The following CHRM5 variants were observed in gnomAD, a reference collection of about 807,000 sequenced individuals.
CHRM5 encodes the protein cholinergic receptor muscarinic 5.
Under a neutral mutation model 39.0 loss-of-function variants are expected in CHRM5, and 18 were observed. The observed-to-expected ratio is 0.46, with a 90% confidence interval of 0.32 to 0.68. The LOEUF is 0.68. CHRM5 is among the 30% of genes least tolerant of loss of function. The probability of loss-of-function intolerance (pLI) is 0.04; values close to 1 mark genes in which losing one functional copy is unlikely to be tolerated. For missense variants in CHRM5, 515 were observed against 651.1 expected, an observed-to-expected ratio of 0.79 and a Z score of 2.28; for synonymous variants, 241 against 246.3, an observed-to-expected ratio of 0.98 and a Z score of 0.20.
At chr15:33,997,103 CTAGAAAATA>C (rs1896967379) in intron 1 of CHRM5, among the ~76,000 whole-genome samples, 1 of 152,122 alleles carries the variant, frequency 6.6e-6, no homozygotes, top group African/African-American at 2.4e-5. Flanking sequence ...ATTAGAACTT[CTAGAAAATA>C]TAGGAGAACA....
intron 1 of CHRM5, among the ~76,000 whole-genome samples, chr15:34,002,190 G>T (rs1075756): frequency 3.3e-5 from 5 of 152,174 alleles, no homozygotes; most frequent in Non-Finnish European, 7.4e-5. Flanking sequence ...TTGTGCACAC[G>T]TGTGTATATT....
At chr15:34,047,093 T>G (rs1899726193) in intron 2 of CHRM5, among the ~76,000 whole-genome samples, 1 of 151,792 alleles carries the variant, frequency 6.6e-6, no homozygotes. Flanking sequence ...TTTTCTTTTT[T>G]TGGAGACGGA....
rs140263744 is a variant in CHRM5 at position 34,060,105 on chromosome 15, G to C, written c.-75-2538G>C. 3.0e-3 allele frequency among the ~76,000 whole-genome samples: 451 copies of C among 152,330 alleles called. 1 individual carries two copies. The highest frequency in any genetic ancestry group is 8.1e-3 in the East Asian group (42 of 5,182). ...GATGGCATTTGCCTAGAGATTTGTAGAGTGTAGAGTAACTGGTCTTTTCAG... is the reference window on the plus strand; with the variant it reads ...GATGGCATTTGCCTAGAGATTTGTACAGTGTAGAGTAACTGGTCTTTTCAG... On this transcript the variant is annotated intron_variant, in intron 2 of 2. Transcript: ENST00000383263.
At chr15:33,980,145 T>C (rs1162153675) in intron 1 of CHRM5, among the ~76,000 whole-genome samples, 1 of 152,144 alleles carries the variant, frequency 6.6e-6, no homozygotes. Flanking sequence ...ACAGAAGAAA[T>C]AGGTACAAGG....
intron 1 of CHRM5, among the ~76,000 whole-genome samples, chr15:34,021,862 A>T (rs115133349): frequency 0.02 from 3,051 of 152,168 alleles, 99 homozygotes; most frequent in African/African-American, 0.07. Context: ...TCTCAAAAAT[A>T]AAAATAAAAT....
chr15:34,049,307 G>GA (rs1208872985), intron 2 of CHRM5, among the ~76,000 whole-genome samples: 8 of 152,136 alleles, frequency 5.3e-5, no homozygotes, highest in Admixed American at 6.5e-5. Context: ...TATGAATCAT[G>GA]AGAAAACAAT....
chr15:33,981,745 T>C (rs575654573), intron 1 of CHRM5, among the ~76,000 whole-genome samples: 37 of 152,326 alleles, frequency 2.4e-4, no homozygotes, highest in African/African-American at 8.2e-4. Context: ...ATCTATAAAA[T>C]TGTCTAATAC....
intron 1 of CHRM5, among the ~76,000 whole-genome samples, chr15:33,990,390 A>AG (rs1896671217): frequency 6.6e-6 from 1 of 152,148 alleles, no homozygotes; most frequent in African/African-American, 2.4e-5. Flanking sequence ...TGAAAAAAAA[A>AG]AGAAAAGAAA....
At position 33,996,994 on chromosome 15, in the gene CHRM5, A is replaced by G. The variant is rs574285338; in HGVS notation, c.-408+27844A>G. Among the ~76,000 whole-genome samples, 15 of 152,376 alleles carry G rather than the reference A, an allele frequency of 9.8e-5. No individual in the cohort carries two copies. The East Asian group carries it at 2.3e-3, about 24-fold the overall frequency. ...AGATGAATGGCTAACTAGAATAAACAGCGTAGAGAAGACCTTAAATTACCC... is the reference window on the plus strand; with the variant it reads ...AGATGAATGGCTAACTAGAATAAACGGCGTAGAGAAGACCTTAAATTACCC... On this transcript the variant is annotated intron_variant, in intron 1 of 2. Coordinates refer to ENST00000383263, the MANE Select transcript of CHRM5 (RefSeq NM_012125.4).
chr15:33,987,224 A>G (rs1274655998), intron 1 of CHRM5, among the ~76,000 whole-genome samples: 3 of 152,242 alleles, frequency 2.0e-5, no homozygotes, highest in Admixed American at 2.0e-4. Context: ...AAGAATGTAC[A>G]ATGCAGTATC....
At chr15:33,995,212 T>C (rs1025610554) in intron 1 of CHRM5, among the ~76,000 whole-genome samples, 3 of 152,086 alleles carry the variant, frequency 2.0e-5, no homozygotes, top group African/African-American at 7.2e-5. Context: ...TGCAGTGAGC[T>C]ATGATCATGC....
intron 1 of CHRM5, among the ~76,000 whole-genome samples, chr15:33,980,691 A>G (rs1472816795): frequency 1.3e-5 from 2 of 152,128 alleles, no homozygotes; most frequent in Admixed American, 6.6e-5. Flanking sequence ...CTGCCCCACA[A>G]CTTGGCCCAT....
intron 1 of CHRM5, among the ~76,000 whole-genome samples, chr15:34,029,203 A>G (rs1000731400): frequency 1.3e-5 from 2 of 152,114 alleles, no homozygotes; most frequent in African/African-American, 4.8e-5. Flanking sequence ...CACCACCGCC[A>G]CTGCCAACTC....
chr15:34,042,682 C>T (rs1264604230), intron 1 of CHRM5, among the ~76,000 whole-genome samples: 1 of 151,934 alleles, frequency 6.6e-6, no homozygotes, highest in Non-Finnish European at 1.5e-5. Flanking sequence ...GGATTACAGG[C>T]AACAGCCACC....
intron 1 of CHRM5, among the ~76,000 whole-genome samples, chr15:33,982,666 A>G (rs1896205854): frequency 6.6e-6 from 1 of 152,230 alleles, no homozygotes; most frequent in Non-Finnish European, 1.5e-5. Flanking sequence ...TAGTAATGGA[A>G]ACAAGAATTT....
At chr15:34,050,444 A>C (rs1441817356) in intron 2 of CHRM5, among the ~76,000 whole-genome samples, 1 of 152,146 alleles carries the variant, frequency 6.6e-6, no homozygotes, top group Non-Finnish European at 1.5e-5. Flanking sequence ...CCACATAAAA[A>C]TGTCTGCAAA....
intron 1 of CHRM5, among the ~76,000 whole-genome samples, chr15:34,008,793 A>G (rs2140654189): frequency 6.6e-6 from 1 of 152,258 alleles, no homozygotes; most frequent in South Asian, 2.1e-4. Flanking sequence ...TAGCCGATGA[A>G]AAACCTTTAT....
intron 1 of CHRM5, among the ~76,000 whole-genome samples, chr15:34,026,926 A>G (rs946776814): frequency 6.6e-6 from 1 of 152,198 alleles, no homozygotes; most frequent in Non-Finnish European, 1.5e-5. Context: ...AAAGAGTGAC[A>G]TGATGTGTTT....
At chr15:34,039,082 C>T in intron 1 of CHRM5, 1 of 1,079,640 alleles carries the variant, frequency 9.3e-7, no homozygotes, top group Non-Finnish European at 1.1e-6. Context: ...GCGCGGGAGC[C>T]GAGCTGCGGC....
Sources: allele counts gnomAD v4.1 joint callset (sites outside exome capture counted in the v4.1 genomes callset), GRCh38; gene constraint gnomAD v4.1.1; transcripts MANE v1.5; gene names NCBI Gene and HGNC (gene_info 2026-07-23, HGNC 2026-07-21).